GPSM1: variants seen among roughly 807,000 people sequenced by gnomAD.
GPSM1 encodes G protein-signaling modulator 1.
Under a neutral mutation model 70.5 loss-of-function variants are expected in GPSM1, and 48 were observed. The ratio of observed to expected loss-of-function variants is 0.68; its 90% CI spans 0.54 to 0.87. The LOEUF is 0.87. Ranked by LOEUF, GPSM1 falls within the 40% of genes least tolerant of loss-of-function variation. GPSM1 has a pLI of 0.00. For missense variants in GPSM1, 981 were observed against 972.6 expected (o/e 1.01, Z -0.11); for synonymous variants, 416 against 430.1 (o/e 0.97, Z 0.41).
intron 6 of GPSM1, 55 bp downstream of exon 6, chr9:136,338,016 C>T: frequency 8.3e-7 from 1 of 1,197,764 alleles, no homozygotes; most frequent in Non-Finnish European, 1.2e-6. Flanking sequence ...GGCTGGATGC[C>T]AGGCCAAGGA....
Position 136,335,725 on chromosome 9 carries a change from G to T in GPSM1, c.291-241G>T, listed in dbSNP as rs1832216257. Among the ~76,000 whole-genome samples, 3 of 152,198 alleles carry T rather than the reference G, an allele frequency of 2.0e-5. No homozygotes were observed. In the South Asian group the frequency reaches 6.2e-4, roughly 31 times the overall value. On this transcript the variant is annotated intron_variant, in intron 2 of 13. Coordinates refer to ENST00000440944, the MANE Select transcript of GPSM1 (RefSeq NM_001145638.3). ...CTGGCACCTGTGTGCAGCCTGTGTG[G>T]TGATGGGCAGGAGCCTGTGCCCCAG...
At chr9:136,349,103 G>A (rs1278422644) in intron 10 of GPSM1, among the ~76,000 whole-genome samples, 2 of 152,264 alleles carry the variant, frequency 1.3e-5, no homozygotes, top group Non-Finnish European at 2.9e-5. Context: ...ACCCAAAGTG[G>A]GCACAGCTGC....
In GPSM1 at chr9:136,343,561, C is replaced by T. The variant is rs147543520; in HGVS notation, c.1207+2568C>T. Among the ~76,000 whole-genome samples, 13 of 152,308 alleles carry T rather than the reference C, an allele frequency of 8.5e-5. No homozygotes were observed. Among genetic ancestry groups the T allele is most frequent in the African/African-American group, 2.6e-4 (11 of 41,534 alleles). ...GCCTTCCTGGGAGAAGTCCCCTGAA[C>T]GTCCCAACGAGTGGCCTTGGGGTCA... On this transcript the variant is annotated intron_variant, in intron 9 of 13. Transcript: ENST00000440944. This position sits in a 1 kb window ranked among gnomAD's most constrained non-coding sequence, Gnocchi z 6.0.
intron 9 of GPSM1, among the ~76,000 whole-genome samples, chr9:136,346,294 T>TG (rs1225397853): frequency 6.6e-6 from 1 of 152,216 alleles, no homozygotes; most frequent in Non-Finnish European, 1.5e-5. Flanking sequence ...TGGGCTGGTC[T>TG]GGGGCCAGCG....
chr9:136,332,867 G>A (rs1832135833), intron 1 of GPSM1, among the ~76,000 whole-genome samples: 1 of 149,392 alleles, frequency 6.7e-6, no homozygotes, highest in Non-Finnish European at 1.5e-5. Flanking sequence ...AAAAAAGCTG[G>A]GCATGATGGT....
intron 1 of GPSM1, 41 bp downstream of exon 1, chr9:136,327,804 C>A (rs1554768099): frequency 1.2e-6 from 1 of 822,526 alleles, no homozygotes; most frequent in Non-Finnish European, 1.6e-6. Context: ...GGGGCTGGGA[C>A]CGGACCGGGC....
intron 9 of GPSM1, 82 bp from the exon 10 acceptor site, chr9:136,348,615 G>T: frequency 9.5e-7 from 1 of 1,053,258 alleles, no homozygotes; most frequent in Non-Finnish European, 1.4e-6. Flanking sequence ...GCTGGTCCTT[G>T]GCCCCCCAGA....
At chr9:136,350,563 G>A (rs571536610) in intron 11 of GPSM1, among the ~76,000 whole-genome samples, 31 of 152,366 alleles carry the variant, frequency 2.0e-4, no homozygotes, top group African/African-American at 6.7e-4. Context: ...GGGTCATGGA[G>A]GGGATGCAGC....
chr9:136,352,048 T>C lies in GPSM1; in HGVS notation c.1455+2285T>C, dbSNP rs28430373. ...GTCCTCATCTGCAAAGTGCAGCTGA[T>C]ACCAATACTGCGCCGTTGCTGTTGG... is the stretch of plus-strand genomic sequence containing the variant. On this transcript the variant is annotated intron_variant, in intron 11 of 13. Transcript: ENST00000440944. Among the ~76,000 whole-genome samples, 42 of 126,360 alleles carry C rather than the reference T, an allele frequency of 3.3e-4. 1 individual carries two copies. The highest frequency in any genetic ancestry group is 1.1e-3 in the African/African-American group (37 of 33,688). The allele number at this position is 126,360 out of a possible 152,430, so 82.9% of individuals were successfully genotyped here. A position where few individuals can be genotyped will look rare whatever the true frequency, so the allele number is the denominator to read the frequency against.
At chr9:136,336,176 C>G (rs973202316) in intron 3 of GPSM1, 75 bp downstream of exon 3, 4 of 1,449,600 alleles carry the variant, frequency 2.8e-6, no homozygotes, top group Admixed American at 1.9e-5. Context: ...TAGGGGCGGG[C>G]GGGTGACTCA....
intron 11 of GPSM1, among the ~76,000 whole-genome samples, chr9:136,351,740 C>A (rs1202579358): frequency 2.0e-5 from 3 of 152,238 alleles, no homozygotes; most frequent in Non-Finnish European, 4.4e-5. Flanking sequence ...GGGCAGGACG[C>A]CTGGGACAGC....
At position 136,327,744 on chromosome 9, in the gene GPSM1, G is replaced by A; in HGVS notation, c.49G>A (p.Ala17Thr). The change falls in exon 1 of 14, where the codon GCC (alanine) becomes ACC (threonine). Residue 17 changes from alanine (A) to threonine (T), a missense_variant. Transcript: ENST00000440944. ...GGCCGACGAGCTCCCGGGCCCGGCC[G>A]CCAGGCGCCTCTACTCCAGGTAGGA... ...PAADELPGPAARRLYSRMEAS... is the reference protein window; with the variant it reads ...PAADELPGPATRRLYSRMEAS... 4 of 1,191,026 alleles carry A rather than the reference G, an allele frequency of 3.4e-6. No individual in the cohort carries two copies. Among genetic ancestry groups the A allele is most frequent in the Non-Finnish European group, 4.2e-6 (4 of 961,460 alleles). 73.8% of individuals were successfully genotyped at this position (1,191,026 alleles called of 1,614,324 possible). A position where few individuals can be genotyped will look rare whatever the true frequency, so the allele number is the denominator to read the frequency against.
At chr9:136,354,729 CTT>C (rs1373616175) in intron 11 of GPSM1, 1 of 764,916 alleles carries the variant, frequency 1.3e-6, no homozygotes, top group Non-Finnish European at 1.6e-6. Flanking sequence ...TCCAGCCTCC[CTT>C]GTTTGGGTGT....
intron 11 of GPSM1, chr9:136,354,747 C>A: frequency 1.1e-6 from 1 of 877,738 alleles, no homozygotes; most frequent in Non-Finnish European, 1.4e-6. Flanking sequence ...GGTGTGTGGA[C>A]TGAGGCCCAG....
Position 136,340,406 on chromosome 9 carries a change from G to A in GPSM1, c.1084-464G>A, listed in dbSNP as rs1237172362. On this transcript the variant is annotated intron_variant, in intron 8 of 13. Coordinates refer to ENST00000440944, the MANE Select transcript of GPSM1 (RefSeq NM_001145638.3). The surrounding 1 kb of genome is among the most constrained non-coding windows in gnomAD (Gnocchi z 7.3). Reference sequence around the variant, plus strand: ...CTCTGAGTGCAGGCTACAGCCTCCAGGGCCTTCCAGGGCTCCATGTGGCCC... The same window carrying A: ...CTCTGAGTGCAGGCTACAGCCTCCAAGGCCTTCCAGGGCTCCATGTGGCCC... Among the ~76,000 whole-genome samples, 3 of 151,894 alleles carry A rather than the reference G, an allele frequency of 2.0e-5. No homozygotes were observed. The highest frequency in any genetic ancestry group is 4.4e-5 in the Non-Finnish European group (3 of 67,964).
At position 136,342,356 on chromosome 9, in the gene GPSM1, G is replaced by T. The variant is rs1832412305; in HGVS notation, c.1207+1363G>T. ...GGCTGCGGCTCTGGGTCCTCCCGAC[G>T]TTTTCTTTCTTGGAGCCAAGGAAAA... is the stretch of plus-strand genomic sequence containing the variant. On this transcript the variant is annotated intron_variant, in intron 9 of 13. Transcript: ENST00000440944. The surrounding 1 kb of genome is among the most constrained non-coding windows in gnomAD (Gnocchi z 5.5). 6.6e-6 allele frequency among the ~76,000 whole-genome samples: 1 copy of T among 152,152 alleles called. No homozygotes were observed.
chr9:136,343,212 G>C lies in GPSM1; in HGVS notation c.1207+2219G>C, dbSNP rs1212433876. On this transcript the variant is annotated intron_variant, in intron 9 of 13. Transcript: ENST00000440944. This position sits in a 1 kb window ranked among gnomAD's most constrained non-coding sequence, Gnocchi z 6.0. Reference sequence around the variant, plus strand: ...ACAGCAACCAGCCCCCACCTCCCTGGCCAGAGGGCACAGGCCCGGGCCTCC... The same window carrying C: ...ACAGCAACCAGCCCCCACCTCCCTGCCCAGAGGGCACAGGCCCGGGCCTCC... 6.6e-6 allele frequency among the ~76,000 whole-genome samples: 1 copy of C among 152,136 alleles called. No homozygotes were observed. The highest frequency in any genetic ancestry group is 2.4e-5 in the African/African-American group (1 of 41,424).
At chr9:136,336,753 G>T (rs1832246857) in intron 3 of GPSM1, among the ~76,000 whole-genome samples, 168 bp from the exon 4 acceptor site, 1 of 152,130 alleles carries the variant, frequency 6.6e-6, no homozygotes, top group African/African-American at 2.4e-5. Context: ...GGCTTCCCGG[G>T]TGTGCCGTCC....
At chr9:136,336,386 C>G (rs1370371185) in intron 3 of GPSM1, among the ~76,000 whole-genome samples, 1 of 152,178 alleles carries the variant, frequency 6.6e-6, no homozygotes, top group Non-Finnish European at 1.5e-5. Context: ...CCCAGTCACT[C>G]ACTCCCTGGG....
Sources: allele counts gnomAD v4.1 joint callset (sites outside exome capture counted in the v4.1 genomes callset), GRCh38; gene constraint gnomAD v4.1.1; non-coding constraint Gnocchi (gnomAD v3.1); transcripts MANE v1.5; gene names NCBI Gene and HGNC (gene_info 2026-07-23, HGNC 2026-07-21).